Variants in TMEM150A observed in about 807,000 individuals in gnomAD.
TMEM150A encodes transmembrane protein 150A.
TMEM150A carries 18 observed loss-of-function variants against 29.8 expected under a neutral mutation model. The ratio of observed to expected loss-of-function variants is 0.60; its 90% CI spans 0.42 to 0.90. The LOEUF (loss-of-function observed/expected upper bound fraction) is 0.90. TMEM150A is among the 40% of genes least tolerant of loss of function. TMEM150A has a pLI of 0.00. For missense variants in TMEM150A, 251 were observed against 349.7 expected (o/e 0.72, Z 2.25); for synonymous variants, 127 against 143.6 (o/e 0.88, Z 0.83).
rs1268252162 is a variant in TMEM150A at position 85,599,532 on chromosome 2, C to T, written c.567G>A (p.Leu189=). 2 of 1,612,068 alleles carry T rather than the reference C, an allele frequency of 1.2e-6. No individual in the cohort carries two copies. Among genetic ancestry groups the T allele is most frequent in the South Asian group, 1.1e-5 (1 of 90,842 alleles). Reference sequence around the variant, plus strand: ...CCCGTCCTGAAAGGATACTGAGGACCAGGGTGATAAAGGCGATGACAGCCA... The same window carrying T: ...CCCGTCCTGAAAGGATACTGAGGACTAGGGTGATAAAGGCGATGACAGCCA... The part of the protein sequence containing the change: ...SVLAVIAFIT[L]VLSGVFFVHE... Residue 189 remains leucine (L), a synonymous_variant, in exon 7 of 8, where the codon CTG becomes CTA. Coordinates refer to ENST00000334462, the MANE Select transcript of TMEM150A (RefSeq NM_001031738.3). The surrounding 1 kb of genome is among the most constrained non-coding windows in gnomAD (Gnocchi z 6.0).
rs759067216 is a variant in TMEM150A at position 85,599,513 on chromosome 2, C to T, written c.574+12G>A. ...AGGATGAGTTCCTGGCTGCCCCGTC[C>T]TGAAAGGATACTGAGGACCAGGGTG... On this transcript the variant is annotated intron_variant, in intron 7 of 7. Transcript: ENST00000334462. The surrounding 1 kb of genome is among the most constrained non-coding windows in gnomAD (Gnocchi z 6.0). 6.2e-7 allele frequency: 1 copy of T among 1,606,148 alleles called. No individual in the cohort carries two copies. Among genetic ancestry groups the T allele is most frequent in the Admixed American group, 1.7e-5 (1 of 58,808 alleles).
chr2:85,601,679 C>T lies in TMEM150A; in HGVS notation c.66-197G>A, dbSNP rs1672970179. 1.2e-6 allele frequency: 1 copy of T among 857,388 alleles called. No homozygotes were observed. The allele number at this position is 857,388 out of a possible 1,614,324, so 53.1% of individuals were successfully genotyped here. On this transcript the variant is annotated intron_variant, in intron 2 of 7. Coordinates refer to ENST00000334462, the MANE Select transcript of TMEM150A (RefSeq NM_001031738.3). The surrounding 1 kb of genome is among the most constrained non-coding windows in gnomAD (Gnocchi z 4.0). ...CCAGCTACAGGCCCTCTGGAAATTGCCCTGGCTAGAAGTATATTTGTCAGG... is the reference window on the plus strand; with the variant it reads ...CCAGCTACAGGCCCTCTGGAAATTGTCCTGGCTAGAAGTATATTTGTCAGG...
intron 5 of TMEM150A, 63 bp downstream of exon 5, chr2:85,600,282 G>A (rs561863466): frequency 1.3e-5 from 21 of 1,578,026 alleles, no homozygotes; most frequent in Non-Finnish European, 1.7e-5. Flanking sequence ...GGGCTTCCTG[G>A]GCCTTTCTGT....
chr2:85,600,600 G>A lies in TMEM150A; in HGVS notation c.201-188C>T, dbSNP rs999619903. 3 of 608,448 alleles carry A rather than the reference G, an allele frequency of 4.9e-6. No individual in the cohort carries two copies. In the East Asian group the frequency reaches 8.3e-5, roughly 17 times the overall value. 37.7% of individuals were successfully genotyped at this position (608,448 alleles called of 1,614,324 possible). On this transcript the variant is annotated intron_variant, in intron 4 of 7. Coordinates refer to ENST00000334462, the MANE Select transcript of TMEM150A (RefSeq NM_001031738.3). ...GCTGGGCCCCCAAAGCAGAGCTCAT[G>A]TGTGTGAGAGAGAAGGGAGTGCCCA...
chr2:85,600,000 A>G lies in TMEM150A; in HGVS notation c.287T>C (p.Leu96Pro). 2 of 1,612,816 alleles carry G rather than the reference A, an allele frequency of 1.2e-6. No individual in the cohort carries two copies. The highest frequency in any genetic ancestry group is 1.7e-6 in the Non-Finnish European group (2 of 1,179,990). Residue 96 changes from leucine to proline, a missense_variant, in exon 6 of 8, where the codon CTG becomes CCG. Coordinates refer to ENST00000334462, the MANE Select transcript of TMEM150A (RefSeq NM_001031738.3). This position sits in a 1 kb window ranked among gnomAD's most constrained non-coding sequence, Gnocchi z 6.0. ...GAFMVALICL[L>P]RYGQLLEQSR... ...CTGCTCCAGGAGCTGCCCGTAGCGCAGGAGGCAGATCAGGGCCACTGGGGG... is the reference window on the plus strand; with the variant it reads ...CTGCTCCAGGAGCTGCCCGTAGCGCGGGAGGCAGATCAGGGCCACTGGGGG...
chr2:85,599,772 C>T lies in TMEM150A; in HGVS notation c.397-70G>A. On this transcript the variant is annotated intron_variant, in intron 6 of 7. Coordinates refer to ENST00000334462, the MANE Select transcript of TMEM150A (RefSeq NM_001031738.3). The surrounding 1 kb of genome is among the most constrained non-coding windows in gnomAD (Gnocchi z 6.0). ...CCTCTCCACCCCTCCTTCAATGAAT[C>T]TCCTCTCTCCCTCTTCCTTCCTCTC... 7.1e-7 allele frequency: 1 copy of T among 1,413,140 alleles called. No individual in the cohort carries two copies. The highest frequency in any genetic ancestry group is 9.7e-7 in the Non-Finnish European group (1 of 1,025,902). 87.5% of individuals were successfully genotyped at this position (1,413,140 alleles called of 1,614,324 possible).
intron 5 of TMEM150A, 51 bp downstream of exon 5, chr2:85,600,294 T>G: frequency 6.3e-7 from 1 of 1,599,080 alleles, no homozygotes; most frequent in Non-Finnish European, 8.6e-7. Flanking sequence ...CCTTTCTGTG[T>G]GGGGATCACT....
At position 85,599,437 on chromosome 2, in the gene TMEM150A, G is replaced by A. The variant is rs1191360216; in HGVS notation, c.574+88C>T. On this transcript the variant is annotated intron_variant, in intron 7 of 7. Coordinates refer to ENST00000334462, the MANE Select transcript of TMEM150A (RefSeq NM_001031738.3). This position sits in a 1 kb window ranked among gnomAD's most constrained non-coding sequence, Gnocchi z 6.0. ...TGTTAGTCCTCTCCCCCACATGGCA[G>A]TGTTAGGCCTCCACCCCCCATCCTC... 16 of 1,566,948 alleles carry A rather than the reference G, an allele frequency of 1.0e-5. No individual in the cohort carries two copies. The highest frequency in any genetic ancestry group is 1.7e-4 in the Middle Eastern group (1 of 5,808).
chr2:85,600,053 A>AGCCCTG, intron 5 of TMEM150A, 35 bp from the exon 6 acceptor site: 1 of 1,607,708 alleles, frequency 6.2e-7, no homozygotes, highest in Non-Finnish European at 8.5e-7. Context: ...GCCTTCCTCC[A>AGCCCTG]GCCCTGGCCC....
Position 85,602,024 on chromosome 2 carries a change from T to C in TMEM150A, c.-76A>G, listed in dbSNP as rs1672999824. 7.8e-7 allele frequency: 1 copy of C among 1,274,828 alleles called. No individual in the cohort carries two copies. The highest frequency in any genetic ancestry group is 1.5e-5 in the African/African-American group (1 of 68,698). 79.0% of individuals were successfully genotyped at this position (1,274,828 alleles called of 1,614,324 possible). A position where few individuals can be genotyped will look rare whatever the true frequency, so the allele number is the denominator to read the frequency against. On this transcript the variant is annotated 5_prime_UTR_variant, in exon 2 of 8. Transcript: ENST00000334462. The surrounding 1 kb of genome is among the most constrained non-coding windows in gnomAD (Gnocchi z 5.6). ...GATGGGGAAGTGGGGGCGGACCAGCTACCTTGAGATGTTTCTGCCACAACC... is the reference window on the plus strand; with the variant it reads ...GATGGGGAAGTGGGGGCGGACCAGCCACCTTGAGATGTTTCTGCCACAACC...
In TMEM150A at chr2:85,599,344, G is replaced by C. The variant is rs1270578969; in HGVS notation, c.575-27C>G. 1 of 1,612,192 alleles carries C rather than the reference G, an allele frequency of 6.2e-7. No individual in the cohort carries two copies. The highest frequency in any genetic ancestry group is 1.7e-5 in the Admixed American group (1 of 59,936). On this transcript the variant is annotated intron_variant, in intron 7 of 7. Transcript: ENST00000334462. The surrounding 1 kb of genome is among the most constrained non-coding windows in gnomAD (Gnocchi z 6.0). Reference sequence around the variant, plus strand: ...TAAAACGAGGCTAAGGAAATGTTCAGTAGGACATACGGAAACCTGGCAACA... The same window carrying C: ...TAAAACGAGGCTAAGGAAATGTTCACTAGGACATACGGAAACCTGGCAACA...
At position 85,599,450 on chromosome 2, in the gene TMEM150A, A is replaced by AC. The variant is rs1362342272; in HGVS notation, c.574+74dup. 2.6e-6 allele frequency: 4 copies of AC among 1,565,394 alleles called. No individual in the cohort carries two copies. The East Asian group carries it at 6.7e-5, about 26-fold the overall frequency. ...CCCCACATGGCAGTGTTAGGCCTCC[A>AC]CCCCCCATCCTCTTGGGAGGGAGAA... On this transcript the variant is annotated intron_variant, in intron 7 of 7. Transcript: ENST00000334462. This position sits in a 1 kb window ranked among gnomAD's most constrained non-coding sequence, Gnocchi z 6.0.
Position 85,601,344 on chromosome 2 carries a change from G to A in TMEM150A, c.113+91C>T, listed in dbSNP as rs759816354. ...TCAGAGAAGAGCAGTGAGGCTCAGG[G>A]TTGCAGTCTGGCTCGTGGCAGCCTC... On this transcript the variant is annotated intron_variant, in intron 3 of 7. Transcript: ENST00000334462. The surrounding 1 kb of genome is among the most constrained non-coding windows in gnomAD (Gnocchi z 4.0). 6.7e-7 allele frequency: 1 copy of A among 1,501,076 alleles called. No individual in the cohort carries two copies. The highest frequency in any genetic ancestry group is 1.7e-5 in the Admixed American group (1 of 59,894). The allele number at this position is 1,501,076 out of a possible 1,614,324, so 93.0% of individuals were successfully genotyped here.
In TMEM150A at chr2:85,599,693, C is replaced by G; in HGVS notation, c.406G>C (p.Ala136Pro). 1 of 1,612,490 alleles carries G rather than the reference C, an allele frequency of 6.2e-7. No individual in the cohort carries two copies. Residue 136 changes from alanine (A) to proline (P), a missense_variant, in exon 7 of 8, where the codon GCC becomes CCC. By Grantham distance (27) the Ala-to-Pro change is conservative (BLOSUM62 -1). Coordinates refer to ENST00000334462, the MANE Select transcript of TMEM150A (RefSeq NM_001031738.3). The surrounding 1 kb of genome is among the most constrained non-coding windows in gnomAD (Gnocchi z 6.0). ...GCTCCAACGTAGTGCAGAGACCTGG[C>G]ATGATCCACCTGGGCCCAGAGAAGG... is the stretch of plus-strand genomic sequence containing the variant. ...LVVGNFQVDH[A>P]RSLHYVGAGV...
rs774637295 is a variant in TMEM150A at position 85,601,833 on chromosome 2, T to G, written c.65+51A>C. 1.3e-6 allele frequency: 2 copies of G among 1,598,726 alleles called. No homozygotes were observed. The highest frequency in any genetic ancestry group is 1.1e-5 in the South Asian group (1 of 90,588). On this transcript the variant is annotated intron_variant, in intron 2 of 7. Coordinates refer to ENST00000334462, the MANE Select transcript of TMEM150A (RefSeq NM_001031738.3). This position sits in a 1 kb window ranked among gnomAD's most constrained non-coding sequence, Gnocchi z 4.0. The stretch of plus-strand genomic sequence containing the variant: ...GTGGCTATGACAGGACAAGAGACTT[T>G]GTGTGCGTCATCAAGCTCCTGTTGC...
chr2:85,598,904 A>T lies in TMEM150A; in HGVS notation c.*172T>A. ...AGGTCATGCAGCTGTGGCAGCTGGC[A>T]GGGCCCACTCCTCCATGGCACAGGT... is the stretch of plus-strand genomic sequence containing the variant. On this transcript the variant is annotated 3_prime_UTR_variant, in exon 8 of 8. Transcript: ENST00000334462. 1 of 954,570 alleles carries T rather than the reference A, an allele frequency of 1.0e-6. No homozygotes were observed. Among genetic ancestry groups the T allele is most frequent in the Non-Finnish European group, 1.5e-6 (1 of 660,926 alleles). 59.1% of individuals were successfully genotyped at this position (954,570 alleles called of 1,614,324 possible).
rs551869712 is a variant in TMEM150A at position 85,602,158 on chromosome 2, C to G, written c.-116-94G>C. 7.0e-5 allele frequency: 37 copies of G among 528,832 alleles called. 1 individual carries two copies. The highest frequency in any genetic ancestry group is 1.2e-4 in the Non-Finnish European group (36 of 289,462). The allele number at this position is 528,832 out of a possible 1,614,324, so 32.8% of individuals were successfully genotyped here. On this transcript the variant is annotated intron_variant, in intron 1 of 7. Transcript: ENST00000334462. The surrounding 1 kb of genome is among the most constrained non-coding windows in gnomAD (Gnocchi z 5.6). Reference sequence around the variant, plus strand: ...ACCTTATCCAGCGCTCCCGTTGGGTCTCTGAGCGTCCAAAGTTTGGGCTGA... The same window carrying G: ...ACCTTATCCAGCGCTCCCGTTGGGTGTCTGAGCGTCCAAAGTTTGGGCTGA...
Position 85,598,713 on chromosome 2 carries a change from CCA to C in TMEM150A, c.*361_*362del. ...AGGCTAAGGCGTGCCCACTCCACCT[CCA>C]CCAGACTTCTATCCCCTCTGCTGTT... is the stretch of plus-strand genomic sequence containing the variant. On this transcript the variant is annotated 3_prime_UTR_variant, in exon 8 of 8. Transcript: ENST00000334462. The C allele has an allele frequency of 1.2e-5, 3 of 260,076 alleles. No homozygotes were observed. Among genetic ancestry groups the C allele is most frequent in the Non-Finnish European group, 2.3e-5 (3 of 131,344 alleles). The allele number at this position is 260,076 out of a possible 1,614,324, so 16.1% of individuals were successfully genotyped here. A position where few individuals can be genotyped will look rare whatever the true frequency, so the allele number is the denominator to read the frequency against.
rs1422879302 is a variant in TMEM150A, at chr2:85,599,553, A to T, written c.546T>A (p.Ala182=). Residue 182 remains alanine, a synonymous_variant, in exon 7 of 8, where the codon GCT becomes GCA. Coordinates refer to ENST00000334462, the MANE Select transcript of TMEM150A (RefSeq NM_001031738.3). This position sits in a 1 kb window ranked among gnomAD's most constrained non-coding sequence, Gnocchi z 6.0. ...GGACCAGGGTGATAAAGGCGATGAC[A>T]GCCAGCACACTTCGCAGATAGGCCA... The part of the protein sequence containing the change: ...LAVAYLRSVL[A]VIAFITLVLS... 1.9e-6 allele frequency: 3 copies of T among 1,613,756 alleles called. No homozygotes were observed. The highest frequency in any genetic ancestry group is 1.7e-5 in the Admixed American group (1 of 59,976).
Sources: gnomAD v4.1 joint callset for allele counts on GRCh38, gnomAD v4.1.1 for gene constraint, Gnocchi (gnomAD v3.1) non-coding constraint, MANE v1.5 for transcripts, NCBI Gene and HGNC (gene_info 2026-07-23, HGNC 2026-07-21) for gene names.